EPHA3: variants seen among roughly 807,000 people sequenced by gnomAD.
EPHA3 encodes the protein ephrin type-A receptor 3.
EPHA3 carries 42 observed loss-of-function variants against 107.1 expected under a neutral mutation model. That is an observed-to-expected ratio of 0.39 (90% CI 0.31 to 0.51). The LOEUF is 0.51. Among genes scored for constraint, EPHA3 ranks in the 20% least tolerant of loss-of-function variants. The pLI is 0.78. For missense variants in EPHA3, 1,183 were observed against 1,211.2 expected (o/e 0.98, Z 0.35); for synonymous variants, 461 against 424.8 (o/e 1.09, Z -1.05).
intron 3 of EPHA3, among the ~76,000 whole-genome samples, chr3:89,227,447 T>C (rs1355462773): frequency 6.6e-6 from 1 of 152,026 alleles, no homozygotes; most frequent in Non-Finnish European, 1.5e-5. Flanking sequence ...GCATTTCCTG[T>C]GTATTTCTTG....
intron 1 of EPHA3, among the ~76,000 whole-genome samples, chr3:89,108,710 T>C (rs559057662): frequency 5.9e-5 from 9 of 152,206 alleles, no homozygotes; most frequent in Non-Finnish European, 1.3e-4. Flanking sequence ...CAATGTGTTC[T>C]ATAAGATTGT....
intron 2 of EPHA3, among the ~76,000 whole-genome samples, chr3:89,163,899 T>C (rs1302336399): frequency 6.6e-6 from 1 of 152,212 alleles, no homozygotes; most frequent in African/African-American, 2.4e-5. Context: ...TGGTGGTTTA[T>C]CCAGGTGAAT....
intron 3 of EPHA3, among the ~76,000 whole-genome samples, chr3:89,247,755 C>T (rs188092614): frequency 7.9e-5 from 12 of 152,128 alleles, no homozygotes; most frequent in Admixed American, 2.6e-4. Context: ...ATTCAGCAAA[C>T]GAAATTTGAG....
At chr3:89,337,677 AC>A (rs1707425711) in intron 3 of EPHA3, among the ~76,000 whole-genome samples, 1 of 152,196 alleles carries the variant, frequency 6.6e-6, no homozygotes, top group Admixed American at 6.5e-5. Context: ...GACTTCAGTG[AC>A]CTCAGATGTA....
chr3:89,147,677 C>T (rs1202266558), intron 2 of EPHA3, among the ~76,000 whole-genome samples: 1 of 151,780 alleles, frequency 6.6e-6, no homozygotes, highest in East Asian at 1.9e-4. Context: ...AGAAAAAGGG[C>T]AGAATACTGT....
intron 3 of EPHA3, among the ~76,000 whole-genome samples, chr3:89,250,408 G>A (rs1388158564): frequency 6.6e-6 from 1 of 152,092 alleles, no homozygotes; most frequent in African/African-American, 2.4e-5. Context: ...TCAAGGTATT[G>A]CTATTTTGTT....
chr3:89,361,099 T>C (rs1037801997), intron 5 of EPHA3, among the ~76,000 whole-genome samples: 1 of 151,004 alleles, frequency 6.6e-6, no homozygotes, highest in Non-Finnish European at 1.5e-5. Context: ...ATATTCATTT[T>C]CAGAATTTTA....
intron 3 of EPHA3, among the ~76,000 whole-genome samples, chr3:89,297,401 G>T (rs1393108305): frequency 6.6e-6 from 1 of 152,122 alleles, no homozygotes; most frequent in Admixed American, 6.6e-5. Context: ...GGGATAGGGA[G>T]GCCAGAGGAG....
intron 3 of EPHA3, among the ~76,000 whole-genome samples, chr3:89,250,963 G>T (rs1217488644): frequency 6.6e-6 from 1 of 152,140 alleles, no homozygotes; most frequent in East Asian, 1.9e-4. Context: ...TTCTCAAGAG[G>T]CTGTGTAATT....
intron 2 of EPHA3, among the ~76,000 whole-genome samples, chr3:89,135,057 T>A (rs1345970999): frequency 6.6e-6 from 1 of 152,204 alleles, no homozygotes; most frequent in Non-Finnish European, 1.5e-5. Flanking sequence ...ACCAACTTAA[T>A]AATTGAGGCA....
chr3:89,156,007 A>G (rs1704797752), intron 2 of EPHA3, among the ~76,000 whole-genome samples: 1 of 152,072 alleles, frequency 6.6e-6, no homozygotes, highest in Non-Finnish European at 1.5e-5. Flanking sequence ...TCTTTATGTG[A>G]TGAACAGTGT....
At chr3:89,219,548 C>T (rs1559606156) in intron 3 of EPHA3, among the ~76,000 whole-genome samples, 1 of 151,716 alleles carries the variant, frequency 6.6e-6, no homozygotes, top group Admixed American at 6.6e-5. Context: ...TTCCTGCCCT[C>T]AAGGAACTTA....
At position 89,342,046 on chromosome 3, in the gene EPHA3, C is replaced by A. The variant is rs144998277; in HGVS notation, c.1262C>A (p.Pro421Gln). Residue 421 changes from proline (P) to glutamine (Q), a missense_variant, in exon 5 of 17, where the codon CCA becomes CAA. Physicochemically the swap from Pro to Gln is moderately conservative, Grantham distance 76. Transcript: ENST00000336596. Reference sequence around the variant, plus strand: ...AATGGGGTGTCAGAGCTGAGCTCCCCACCAAGACAGTTTGCTGCGGTCAGC... The same window carrying A: ...AATGGGGTGTCAGAGCTGAGCTCCCAACCAAGACAGTTTGCTGCGGTCAGC... The part of the protein sequence containing the change: ...AVNGVSELSS[P>Q]PRQFAAVSIT... The A allele has an allele frequency of 1.0e-4, 167 of 1,611,506 alleles. No homozygotes were observed. In the African/African-American group the frequency reaches 2.2e-3, roughly 21 times the overall value.
chr3:89,348,875 C>T, intron 5 of EPHA3, among the ~76,000 whole-genome samples: 1 of 130,612 alleles, frequency 7.7e-6, no homozygotes, highest in Non-Finnish European at 1.6e-5. Flanking sequence ...CGTTATGTAC[C>T]CAGTAGTCAT....
chr3:89,341,305 G>C (rs1300054635), intron 4 of EPHA3, among the ~76,000 whole-genome samples: 15 of 152,174 alleles, frequency 9.9e-5, no homozygotes, highest in African/African-American at 2.7e-4. Context: ...CTGAAAGAGA[G>C]AACATTTTCT....
chr3:89,330,568 T>C (rs1034257076), intron 3 of EPHA3, among the ~76,000 whole-genome samples: 2 of 152,080 alleles, frequency 1.3e-5, no homozygotes, highest in African/African-American at 4.8e-5. Context: ...AGAATAGAAA[T>C]GTATGTTAAT....
Position 89,353,146 on chromosome 3 carries a change from A to C in EPHA3, c.1306+11056A>C, listed in dbSNP as rs931748685. Among the ~76,000 whole-genome samples, 11 of 151,168 alleles carry C rather than the reference A, an allele frequency of 7.3e-5. 1 individual carries two copies. The highest frequency in any genetic ancestry group is 2.7e-4 in the African/African-American group (11 of 41,326). ...AGCAAACATTTTAAAATAAAGGTAG[A>C]ATAAATGCTTAGCTGAATCTGCCAT... On this transcript the variant is annotated intron_variant, in intron 5 of 16. Coordinates refer to ENST00000336596, the MANE Select transcript of EPHA3 (RefSeq NM_005233.6).
chr3:89,431,103 T>C (rs1490308174), intron 12 of EPHA3, 47 bp from the exon 13 acceptor site: 3 of 1,579,022 alleles, frequency 1.9e-6, no homozygotes, highest in African/African-American at 2.7e-5. Flanking sequence ...GATATATCTT[T>C]AAGAAATAGG....
chr3:89,407,371 G>A lies in EPHA3; in HGVS notation c.1697G>A (p.Arg566Lys), dbSNP rs756564447. The stretch of plus-strand genomic sequence containing the variant: ...GTTGTCATCTATGTTTTGATTGGGA[G>A]GTGAGTTCACAGTCTGTTTCACTAT... ...LTVVIYVLIG[R>K]FCGYKSKHGA... The change falls in exon 8 of 17, where the codon AGG (arginine) becomes AAG (lysine). Residue 566 changes from arginine to lysine, a missense_variant and splice_region_variant. By Grantham distance (26) the Arg-to-Lys change is conservative. Coordinates refer to ENST00000336596, the MANE Select transcript of EPHA3 (RefSeq NM_005233.6). The A allele has an allele frequency of 2.5e-6, 4 of 1,611,460 alleles. No individual in the cohort carries two copies. Among genetic ancestry groups the A allele is most frequent in the Non-Finnish European group, 3.4e-6 (4 of 1,178,032 alleles).
Sources: allele counts gnomAD v4.1 joint callset (sites outside exome capture counted in the v4.1 genomes callset), GRCh38; gene constraint gnomAD v4.1.1; transcripts MANE v1.5; gene names NCBI Gene and HGNC (gene_info 2026-07-23, HGNC 2026-07-21).